The following SPHKAP variants were observed in gnomAD, a reference collection of about 807,000 sequenced individuals.
SPHKAP encodes the protein SPHK1 interactor, AKAP domain containing.
In SPHKAP, 67 loss-of-function variants were observed where a neutral mutation model predicts 137.5. The ratio of observed to expected loss-of-function variants is 0.49; its 90% CI spans 0.40 to 0.60. The LOEUF (loss-of-function observed/expected upper bound fraction) is 0.60, where lower values mean the gene tolerates loss of function less well. Ranked by LOEUF, SPHKAP falls within the 20% of genes least tolerant of loss-of-function variation. The pLI is 0.00. For missense variants in SPHKAP, 2,097 were observed against 2,069.3 expected, an observed-to-expected ratio of 1.01 and a Z score of -0.26; for synonymous variants, 813 against 785.3, an observed-to-expected ratio of 1.04 and a Z score of -0.59.
At position 228,019,830 on chromosome 2, in the gene SPHKAP, T is replaced by C; in HGVS notation, c.1024A>G (p.Lys342Glu). ...TCCATCATGGAGAAATAAGCATCTT[T>C]TGGAATATACAGTGCCTGTGATTTT... ...MEKSQALYIP[K>E]DAYFSMMDKD... Residue 342 changes from lysine to glutamate, a missense_variant, in exon 7 of 12, where the codon AAA (lysine) becomes GAA (glutamate). By Grantham distance (56) the Lys-to-Glu change is moderately conservative. Coordinates refer to ENST00000392056, the MANE Select transcript of SPHKAP (RefSeq NM_001142644.2). 1.2e-6 allele frequency: 2 copies of C among 1,614,180 alleles called. No individual in the cohort carries two copies. Among genetic ancestry groups the C allele is most frequent in the Non-Finnish European group, 1.7e-6 (2 of 1,180,032 alleles).
intron 3 of SPHKAP, among the ~76,000 whole-genome samples, chr2:228,035,291 A>G (rs2106247314): frequency 6.6e-6 from 1 of 151,402 alleles, no homozygotes; most frequent in South Asian, 2.1e-4. Flanking sequence ...ACTGCTTCAA[A>G]GAGAATAAAA....
intron 2 of SPHKAP, among the ~76,000 whole-genome samples, chr2:228,128,384 G>T (rs796144076): frequency 6.6e-5 from 10 of 152,254 alleles, no homozygotes; most frequent in African/African-American, 2.4e-4. Context: ...TCAGGAGATT[G>T]CAGCAATTCA....
intron 7 of SPHKAP, among the ~76,000 whole-genome samples, chr2:228,012,277 C>A (rs1278194399): frequency 1.3e-5 from 2 of 151,094 alleles, no homozygotes; most frequent in Non-Finnish European, 2.9e-5. Context: ...TGCTTGTCTT[C>A]CTTGCTTGTC....
At chr2:228,173,028 C>G in intron 1 of SPHKAP, 1 of 985,310 alleles carries the variant, frequency 1.0e-6, no homozygotes. Context: ...TAAACATGTG[C>G]CAAAGAGTGA....
At chr2:227,994,580 G>T (rs1693549432) in intron 8 of SPHKAP, among the ~76,000 whole-genome samples, 1 of 152,112 alleles carries the variant, frequency 6.6e-6, no homozygotes. Context: ...TCAACTGGAT[G>T]CCCTCGAATT....
intron 3 of SPHKAP, among the ~76,000 whole-genome samples, chr2:228,087,472 T>C (rs1241986022): frequency 1.3e-5 from 2 of 152,120 alleles, no homozygotes; most frequent in African/African-American, 4.8e-5. Context: ...AGATGTCAGC[T>C]TTAACAGACA....
chr2:227,989,647 C>T (rs1693338455), intron 11 of SPHKAP, among the ~76,000 whole-genome samples: 1 of 152,138 alleles, frequency 6.6e-6, no homozygotes, highest in Non-Finnish European at 1.5e-5. Flanking sequence ...ACTCTGCCAC[C>T]CAGGATGGAG....
At chr2:228,125,661 A>G (rs115517144) in intron 2 of SPHKAP, among the ~76,000 whole-genome samples, 2,959 of 152,312 alleles carry the variant, frequency 0.019, 100 homozygotes, top group African/African-American at 0.068. Flanking sequence ...TAAAGAGACT[A>G]GGAAGAATTT....
At position 227,995,617 on chromosome 2, in the gene SPHKAP, G is replaced by A. The variant is rs770797115; in HGVS notation, c.4526C>T (p.Pro1509Leu). 2.5e-6 allele frequency: 4 copies of A among 1,613,876 alleles called. No homozygotes were observed. The African/African-American group carries it at 5.3e-5, about 22-fold the overall frequency. Reference protein sequence around the residue: ...EARAPDEAPNPPSSSEESTGS... With the variant: ...EARAPDEAPNLPSSSEESTGS... Reference sequence around the variant, plus strand: ...TGTGCTCTCCTCGCTGCTGCTTGGAGGGTTGGGGGCCTCATCGGGGGCTCT... The same window carrying A: ...TGTGCTCTCCTCGCTGCTGCTTGGAAGGTTGGGGGCCTCATCGGGGGCTCT... The change falls in exon 8 of 12, where the codon CCT (proline) becomes CTT (leucine). Residue 1509 changes from proline to leucine, a missense_variant. By Grantham distance (98) the Pro-to-Leu change is moderately conservative. Coordinates refer to ENST00000392056, the MANE Select transcript of SPHKAP (RefSeq NM_001142644.2).
Position 228,019,622 on chromosome 2 carries a change from T to C in SPHKAP, c.1232A>G (p.Gln411Arg). 1 of 1,614,124 alleles carries C rather than the reference T, an allele frequency of 6.2e-7. No individual in the cohort carries two copies. Among genetic ancestry groups the C allele is most frequent in the Non-Finnish European group, 8.5e-7 (1 of 1,179,984 alleles). ...TGCAGATTCCTGGGGTAATGTGGAC[T>C]GAGATTGAGATAATCTAATAAATGC... ...QDAFIRLSQS[Q>R]STLPQESAVS... Residue 411 changes from glutamine to arginine, a missense_variant, in exon 7 of 12, where the codon CAG (glutamine) becomes CGG (arginine). Gln to Arg is a conservative substitution (Grantham distance 43). Transcript: ENST00000392056.
chr2:228,175,133 G>A (rs1700701548), intron 1 of SPHKAP, among the ~76,000 whole-genome samples: 1 of 151,740 alleles, frequency 6.6e-6, no homozygotes, highest in South Asian at 2.1e-4. Flanking sequence ...AAGCAGAACA[G>A]GATAGGAAAA....
intron 3 of SPHKAP, among the ~76,000 whole-genome samples, chr2:228,089,217 A>T (rs1697639908): frequency 6.6e-6 from 1 of 152,238 alleles, no homozygotes; most frequent in Non-Finnish European, 1.5e-5. Context: ...GAAATGGAGC[A>T]AAGGTCACAC....
At chr2:228,030,536 C>CAAAAAAAAAAAAAAAAAA (rs1263087267) in intron 3 of SPHKAP, among the ~76,000 whole-genome samples, 1 of 41,894 alleles carries the variant, frequency 2.4e-5, no homozygotes. Context: ...AAAAAAACAA[C>CAAAAAAAAAAAAAAAAAA]AAAAAACAAA....
intron 5 of SPHKAP, among the ~76,000 whole-genome samples, chr2:228,022,635 A>T (rs552073033): frequency 2.7e-4 from 41 of 152,280 alleles, no homozygotes; most frequent in African/African-American, 8.9e-4. Context: ...AAGGATTTAC[A>T]TCTCAAAAAG....
chr2:227,985,284 G>A (rs377496390), intron 11 of SPHKAP, among the ~76,000 whole-genome samples: 9 of 152,198 alleles, frequency 5.9e-5, no homozygotes, highest in African/African-American at 2.2e-4. Flanking sequence ...AGGCCGTGAC[G>A]ACTTAATCTT....
intron 3 of SPHKAP, among the ~76,000 whole-genome samples, chr2:228,076,077 A>T (rs1019458545): frequency 3.3e-5 from 5 of 152,190 alleles, no homozygotes; most frequent in African/African-American, 1.2e-4. Flanking sequence ...AATTCTAAAA[A>T]TGGGAGTTTC....
chr2:228,056,983 A>G (rs1429665669), intron 3 of SPHKAP, among the ~76,000 whole-genome samples: 1 of 152,208 alleles, frequency 6.6e-6, no homozygotes, highest in East Asian at 1.9e-4. Context: ...AGAAAATTGC[A>G]TTAAATATCT....
At position 228,020,071 on chromosome 2, in the gene SPHKAP, C is replaced by G. The variant is rs1256415205; in HGVS notation, c.783G>C (p.Lys261Asn). ...CTTCCAAAGCATAAAGCCACTTTTC[C>G]TTGTTGCAATTCCATTCCACCTGGG... ...GATQVEWNCN[K>N]EKWLYALEDK... Residue 261 changes from lysine to asparagine, a missense_variant, in exon 7 of 12, where the codon AAG (lysine) becomes AAC (asparagine). Lys to Asn is a moderately conservative substitution (Grantham distance 94). Transcript: ENST00000392056. The G allele has an allele frequency of 6.2e-7, 1 of 1,614,140 alleles. No homozygotes were observed. The highest frequency in any genetic ancestry group is 8.5e-7 in the Non-Finnish European group (1 of 1,180,012).
At chr2:228,160,429 T>C (rs1166040216) in intron 1 of SPHKAP, among the ~76,000 whole-genome samples, 1 of 152,182 alleles carries the variant, frequency 6.6e-6, no homozygotes, top group Admixed American at 6.5e-5. Context: ...TCAGGAAACT[T>C]ACAATCATGG....
Sources: allele counts gnomAD v4.1 joint callset (sites outside exome capture counted in the v4.1 genomes callset), GRCh38; gene constraint gnomAD v4.1.1; transcripts MANE v1.5; gene names NCBI Gene and HGNC (gene_info 2026-07-23, HGNC 2026-07-21).